The following LIMCH1 variants were observed in gnomAD, a reference collection of about 807,000 sequenced individuals.
LIMCH1 encodes the protein LIM and calponin homology domains-containing protein 1.
LIMCH1 carries 113 observed loss-of-function variants against 176.5 expected under a neutral mutation model. The observed-to-expected ratio is 0.64, with a 90% CI of 0.55 to 0.75. The LOEUF is 0.75. Among genes scored for constraint, LIMCH1 ranks in the 30% least tolerant of loss-of-function variants. The probability of loss-of-function intolerance (pLI) is 0.00; values close to 1 mark genes in which losing one functional copy is unlikely to be tolerated. For missense variants in LIMCH1, 1,674 were observed against 1,814.9 expected (o/e 0.92, Z 1.41); for synonymous variants, 619 against 645.9 (o/e 0.96, Z 0.63).
chr4:41,562,493 AG>A (rs1320549460), intron 1 of LIMCH1, among the ~76,000 whole-genome samples: 2 of 152,222 alleles, frequency 1.3e-5, no homozygotes, highest in African/African-American at 4.8e-5. Context: ...TGAGACAAAA[AG>A]GAAATTGTTT....
chr4:41,405,377 G>A lies in LIMCH1; in HGVS notation c.96+44441G>A, dbSNP rs558253797. Among the ~76,000 whole-genome samples, 5 of 152,228 alleles carry A rather than the reference G, an allele frequency of 3.3e-5. No homozygotes were observed. In the East Asian group the frequency reaches 7.7e-4, roughly 23 times the overall value. Reference sequence around the variant, plus strand: ...TCAGGTGACACAAAAAAACCTCTGCGTAATGAGTAAAATTATCCCAGAGGA... The same window carrying A: ...TCAGGTGACACAAAAAAACCTCTGCATAATGAGTAAAATTATCCCAGAGGA... On this transcript the variant is annotated intron_variant, in intron 1 of 26. Coordinates refer to the LIMCH1 transcript ENST00000313860.
chr4:41,618,630 C>G (rs1189338286), intron 5 of LIMCH1, among the ~76,000 whole-genome samples: 1 of 152,198 alleles, frequency 6.6e-6, no homozygotes, highest in African/African-American at 2.4e-5. Flanking sequence ...ACTACTTGAA[C>G]CACTTCCTGG....
At chr4:41,375,629 T>G (rs2054630423) in intron 1 of LIMCH1, among the ~76,000 whole-genome samples, 1 of 152,234 alleles carries the variant, frequency 6.6e-6, no homozygotes, top group Non-Finnish European at 1.5e-5. Context: ...AACCATGCAG[T>G]TGCTGTTCAC....
chr4:41,377,887 T>A (rs1049712011), intron 1 of LIMCH1, among the ~76,000 whole-genome samples: 1 of 152,182 alleles, frequency 6.6e-6, no homozygotes, highest in African/African-American at 2.4e-5. Context: ...CATGAATGAA[T>A]TAATCCAATC....
At chr4:41,369,194 C>G (rs74320680) in intron 1 of LIMCH1, among the ~76,000 whole-genome samples, 7,059 of 152,278 alleles carry the variant, frequency 0.046, 561 homozygotes, top group African/African-American at 0.16. Flanking sequence ...CCTCCCCCAT[C>G]TTCCCAGTCT....
intron 14 of LIMCH1, among the ~76,000 whole-genome samples, chr4:41,643,796 CTTGT>C (rs1180923897): frequency 6.6e-6 from 1 of 152,142 alleles, no homozygotes; most frequent in Non-Finnish European, 1.5e-5. Flanking sequence ...TATAAAATGC[CTTGT>C]TTTCTTGATT....
chr4:41,438,698 T>G (rs186878689), intron 1 of LIMCH1, among the ~76,000 whole-genome samples: 281 of 152,116 alleles, frequency 1.8e-3, no homozygotes, highest in African/African-American at 6.4e-3. Flanking sequence ...CTATTTTTTT[T>G]TTTTGTTTTG....
intron 1 of LIMCH1, among the ~76,000 whole-genome samples, chr4:41,576,051 G>T (rs2084410133): frequency 6.6e-6 from 1 of 152,178 alleles, no homozygotes; most frequent in Non-Finnish European, 1.5e-5. Context: ...ATATAAAAAG[G>T]GGATGGGATG....
chr4:41,577,248 G>C (rs1480267238), intron 1 of LIMCH1, among the ~76,000 whole-genome samples: 2 of 152,042 alleles, frequency 1.3e-5, no homozygotes, highest in Non-Finnish European at 2.9e-5. Flanking sequence ...AACTAAAAGG[G>C]AAACTTTACA....
At chr4:41,397,051 C>A (rs2154114666) in intron 1 of LIMCH1, among the ~76,000 whole-genome samples, 1 of 152,294 alleles carries the variant, frequency 6.6e-6, no homozygotes. Context: ...TCCTCCTAAG[C>A]CACTCATGGC....
intron 24 of LIMCH1, 58 bp from the exon 25 acceptor site, chr4:41,680,897 C>T (rs1715150926): frequency 1.2e-5 from 12 of 970,014 alleles, no homozygotes; most frequent in Non-Finnish European, 1.8e-5. Context: ...ACATTTTTGT[C>T]TTGACAAATA....
At chr4:41,614,980 C>A (rs1344024940) in intron 5 of LIMCH1, among the ~76,000 whole-genome samples, 1 of 152,148 alleles carries the variant, frequency 6.6e-6, no homozygotes, top group Non-Finnish European at 1.5e-5. Context: ...TTAAACTTTC[C>A]AGCAAATAGT....
intron 1 of LIMCH1, among the ~76,000 whole-genome samples, chr4:41,542,234 A>G (rs2078758946): frequency 1.3e-5 from 2 of 152,032 alleles, no homozygotes; most frequent in Non-Finnish European, 2.9e-5. Context: ...GGCTGGTTCC[A>G]TTGAGAACCA....
intron 2 of LIMCH1, among the ~76,000 whole-genome samples, chr4:41,599,895 CTATTTGCTTGATTTTTATATTA>C (rs1289609896): frequency 6.6e-6 from 1 of 152,164 alleles, no homozygotes; most frequent in African/African-American, 2.4e-5. Flanking sequence ...TGATTTTATA[CTATTTGCTTGATTTTTATATTA>C]TATTTGCTTG....
chr4:41,435,731 T>G (rs1390255729), intron 1 of LIMCH1, among the ~76,000 whole-genome samples: 1 of 152,224 alleles, frequency 6.6e-6, no homozygotes, highest in African/African-American at 2.4e-5. Flanking sequence ...GAATGGTTAA[T>G]GATTGAGCAG....
chr4:41,509,779 G>A (rs1583299119), intron 2 of LIMCH1, among the ~76,000 whole-genome samples: 1 of 152,188 alleles, frequency 6.6e-6, no homozygotes, highest in Non-Finnish European at 1.5e-5. Flanking sequence ...TGAGCCCCCA[G>A]TGTTGCCTCT....
At chr4:41,548,260 T>C (rs892433749) in intron 1 of LIMCH1, among the ~76,000 whole-genome samples, 4 of 152,158 alleles carry the variant, frequency 2.6e-5, no homozygotes, top group Non-Finnish European at 4.4e-5. Flanking sequence ...GAGCCAGTGA[T>C]TTGCTTTCTT....
intron 1 of LIMCH1, among the ~76,000 whole-genome samples, chr4:41,386,340 C>T (rs2056489369): frequency 6.6e-6 from 1 of 152,178 alleles, no homozygotes; most frequent in Admixed American, 6.5e-5. Flanking sequence ...CTGGAAGTAG[C>T]TTGGGAAAGT....
chr4:41,525,838 T>C (rs1000970854), intron 3 of LIMCH1, among the ~76,000 whole-genome samples: 1 of 152,152 alleles, frequency 6.6e-6, no homozygotes. Context: ...CTGATGAACA[T>C]CTGTTTGTCC....
Sources: gnomAD v4.1 joint callset for allele counts (sites outside exome capture counted in the v4.1 genomes callset) on GRCh38, gnomAD v4.1.1 for gene constraint, MANE v1.5 for transcripts, NCBI Gene and HGNC (gene_info 2026-07-23, HGNC 2026-07-21) for gene names.